ANKS1B: variants seen among roughly 807,000 people sequenced by gnomAD.
ANKS1B encodes ankyrin repeat and sterile alpha motif domain-containing protein 1B.
ANKS1B carries 36 observed loss-of-function variants against 148.3 expected under a neutral mutation model. The ratio of observed to expected loss-of-function variants is 0.24; its 90% CI spans 0.19 to 0.32. The LOEUF is 0.32. Ranked by LOEUF, ANKS1B falls within the 10% of genes least tolerant of loss-of-function variation. The pLI, the probability that ANKS1B is intolerant of heterozygous loss-of-function variation, is 1.00. For missense variants in ANKS1B, 1,157 were observed against 1,542.6 expected (o/e 0.75, Z 4.19); for synonymous variants, 542 against 560.8 (o/e 0.97, Z 0.47).
chr12:99,731,028 C>T (rs2059092499), intron 8 of ANKS1B, among the ~76,000 whole-genome samples: 1 of 152,170 alleles, frequency 6.6e-6, no homozygotes, highest in African/African-American at 2.4e-5. Flanking sequence ...CCTCCACCTC[C>T]CAGGCTCAAG....
At chr12:99,715,933 T>G (rs1192611732) in intron 8 of ANKS1B, among the ~76,000 whole-genome samples, 1 of 152,214 alleles carries the variant, frequency 6.6e-6, no homozygotes, top group Non-Finnish European at 1.5e-5. Context: ...GTCACAGACT[T>G]GGGAAGCCAG....
intron 15 of ANKS1B, among the ~76,000 whole-genome samples, chr12:99,090,759 G>A (rs2053735000): frequency 6.6e-6 from 1 of 152,092 alleles, no homozygotes; most frequent in South Asian, 2.1e-4. Context: ...TAAACCCAAT[G>A]CATGTCTTCT....
intron 17 of ANKS1B, among the ~76,000 whole-genome samples, chr12:98,990,903 A>G (rs180683495): frequency 1.4e-4 from 19 of 137,072 alleles, no homozygotes; most frequent in African/African-American, 5.8e-4. Flanking sequence ...CCCAATTGAG[A>G]TTATGGTGTC....
At chr12:99,791,006 C>T (rs1322054642) in intron 4 of ANKS1B, among the ~76,000 whole-genome samples, 2 of 151,716 alleles carry the variant, frequency 1.3e-5, no homozygotes, top group Admixed American at 1.3e-4. Context: ...AAAACAAAAC[C>T]CAATGATCTG....
intron 10 of ANKS1B, among the ~76,000 whole-genome samples, chr12:99,464,363 G>T (rs2096057648): frequency 6.6e-6 from 1 of 152,126 alleles, no homozygotes; most frequent in Non-Finnish European, 1.5e-5. Flanking sequence ...AGAAAAACTG[G>T]AAACCCTAAA....
intron 12 of ANKS1B, among the ~76,000 whole-genome samples, chr12:99,335,070 A>G (rs1603088896): frequency 6.6e-6 from 1 of 152,138 alleles, no homozygotes; most frequent in East Asian, 1.9e-4. Context: ...AAACTCATAG[A>G]GCAGATGTTA....
Position 99,274,438 on chromosome 12 carries a change from C to T in ANKS1B, c.1757-27574G>A, listed in dbSNP as rs12318741. ...TGTCATTAGATACTTTTACTATTTT[C>T]CATGTTATTGCAACCAACAGAATTG... On this transcript the variant is annotated intron_variant, in intron 12 of 26. Transcript: ENST00000683438. Among the ~76,000 whole-genome samples the T allele has an allele frequency of 7.2e-3, 1,099 of 152,278 alleles. 18 individuals are homozygous for T. The highest frequency in any genetic ancestry group is 0.025 in the African/African-American group (1,047 of 41,562).
At chr12:99,147,648 T>C (rs1385744527) in intron 15 of ANKS1B, among the ~76,000 whole-genome samples, 1 of 152,066 alleles carries the variant, frequency 6.6e-6, no homozygotes, top group Non-Finnish European at 1.5e-5. Context: ...GAAATATCTA[T>C]TGAGTAGCTG....
intron 1 of ANKS1B, among the ~76,000 whole-genome samples, chr12:99,942,927 T>C (rs559636130): frequency 1.8e-4 from 27 of 152,292 alleles, no homozygotes; most frequent in African/African-American, 6.3e-4. Context: ...TCATCTTATC[T>C]GTGTTATCAG....
At chr12:99,003,636 C>T (rs551599796) in intron 17 of ANKS1B, among the ~76,000 whole-genome samples, 29 of 152,170 alleles carry the variant, frequency 1.9e-4, no homozygotes, top group African/African-American at 7.0e-4. Context: ...TATGTGTGTA[C>T]CTATTTGTTT....
intron 25 of ANKS1B, among the ~76,000 whole-genome samples, chr12:98,765,477 C>T (rs1054935139): frequency 1.4e-5 from 2 of 146,866 alleles, no homozygotes; most frequent in African/African-American, 2.5e-5. Context: ...CTGGTCTGGC[C>T]AGTCTTGAAC....
chr12:99,298,533 C>G (rs901423098), intron 12 of ANKS1B, among the ~76,000 whole-genome samples: 6 of 152,166 alleles, frequency 3.9e-5, no homozygotes, highest in Non-Finnish European at 8.8e-5. Flanking sequence ...ATTACCCAGT[C>G]TTGGGTATGT....
At chr12:99,443,949 C>T (rs1439978972) in intron 10 of ANKS1B, 140 bp from the exon 11 acceptor site, 5 of 962,804 alleles carry the variant, frequency 5.2e-6, no homozygotes, top group African/African-American at 1.7e-5. Flanking sequence ...GGAATATGCT[C>T]AGTAGTATAT....
At chr12:99,012,321 A>AAC (rs2099939919) in intron 17 of ANKS1B, among the ~76,000 whole-genome samples, 1 of 152,226 alleles carries the variant, frequency 6.6e-6, no homozygotes, top group Non-Finnish European at 1.5e-5. Flanking sequence ...AGGCAGATTG[A>AAC]ACTGAGGTCT....
chr12:98,921,150 C>T (rs2099800873), intron 17 of ANKS1B, among the ~76,000 whole-genome samples: 1 of 152,070 alleles, frequency 6.6e-6, no homozygotes, highest in Non-Finnish European at 1.5e-5. Context: ...CCCTCTTCCT[C>T]ATTCCTTCCT....
intron 9 of ANKS1B, among the ~76,000 whole-genome samples, chr12:99,577,984 C>T (rs936307571): frequency 6.6e-6 from 1 of 152,194 alleles, no homozygotes; most frequent in South Asian, 2.1e-4. Flanking sequence ...TAAATATTAG[C>T]AAACCAAATC....
Position 99,161,034 on chromosome 12 carries a change from C to T in ANKS1B, c.2420-6639G>A, listed in dbSNP as rs557306658. ...TTGGCTATTCAGGATCTTTTTGGTT[C>T]AACATGAATTTTAGAAAAGTTTTTT... On this transcript the variant is annotated intron_variant, in intron 14 of 26. Coordinates refer to ENST00000683438, the MANE Select transcript of ANKS1B (RefSeq NM_001352186.2). Among the ~76,000 whole-genome samples the T allele has an allele frequency of 7.8e-4, 119 of 152,148 alleles. 1 individual carries two copies. Among genetic ancestry groups the T allele is most frequent in the African/African-American group, 2.8e-3 (115 of 41,506 alleles).
In ANKS1B at chr12:99,483,081, C is replaced by T. The variant is rs74809222; in HGVS notation, c.1438+21395G>A. 1.1e-3 allele frequency among the ~76,000 whole-genome samples: 166 copies of T among 151,066 alleles called. 1 individual carries two copies. Among genetic ancestry groups the T allele is most frequent in the African/African-American group, 3.4e-3 (138 of 41,182 alleles). Reference sequence around the variant, plus strand: ...GGCAAGCTTGTTTTGTTCCTGTTCTCGGTGGGGGGAATGCTTTCAACTTTT... The same window carrying T: ...GGCAAGCTTGTTTTGTTCCTGTTCTTGGTGGGGGGAATGCTTTCAACTTTT... On this transcript the variant is annotated intron_variant, in intron 10 of 26. Transcript: ENST00000683438.
chr12:99,637,415 C>T (rs1378221725), intron 9 of ANKS1B, among the ~76,000 whole-genome samples: 3 of 152,124 alleles, frequency 2.0e-5, no homozygotes, highest in African/African-American at 7.2e-5. Context: ...ATGGTTAATA[C>T]TGAATGTCAA....
Sources: gnomAD v4.1 joint callset for allele counts (sites outside exome capture counted in the v4.1 genomes callset) on GRCh38, gnomAD v4.1.1 for gene constraint, MANE v1.5 for transcripts, NCBI Gene and HGNC (gene_info 2026-07-23, HGNC 2026-07-21) for gene names.